Variants in NCK2 observed in about 807,000 individuals in gnomAD.
NCK2 encodes cytoplasmic protein NCK2.
A neutral mutation model predicts 33.9 loss-of-function variants in NCK2; 16 were observed. That is an observed-to-expected ratio of 0.47 (90% CI 0.32 to 0.72). The LOEUF is 0.72. Ranked by LOEUF, NCK2 falls within the 30% of genes least tolerant of loss-of-function variation. The pLI is 0.03. For synonymous variants in NCK2, 273 were observed against 239.9 expected (o/e 1.14, Z -1.27); for missense variants, 418 against 537.3 (o/e 0.78, Z 2.19).
At chr2:105,753,178 T>A (rs866620223) in intron 1 of NCK2, among the ~76,000 whole-genome samples, 6 of 152,282 alleles carry the variant, frequency 3.9e-5, no homozygotes, top group Middle Eastern at 3.4e-3. Flanking sequence ...TGATGGAAAA[T>A]CATTGATAGG....
At chr2:105,806,980 A>G (rs1189076463) in intron 1 of NCK2, among the ~76,000 whole-genome samples, 2 of 152,090 alleles carry the variant, frequency 1.3e-5, no homozygotes, top group African/African-American at 4.8e-5. Flanking sequence ...CCCTTTGTCT[A>G]ATTGCTGTAA....
chr2:105,801,959 T>A (rs1373731568), intron 1 of NCK2, among the ~76,000 whole-genome samples: 4 of 152,154 alleles, frequency 2.6e-5, no homozygotes, highest in African/African-American at 7.2e-5. Flanking sequence ...CATGGAGAAC[T>A]GTTTTGTAGA....
At chr2:105,873,304 G>A (rs1357565862) in intron 3 of NCK2, among the ~76,000 whole-genome samples, 1 of 152,150 alleles carries the variant, frequency 6.6e-6, no homozygotes, top group African/African-American at 2.4e-5. Flanking sequence ...GAATTCATGT[G>A]GGCCCACCCT....
chr2:105,848,007 G>A (rs1054816200), intron 2 of NCK2, among the ~76,000 whole-genome samples: 2 of 152,118 alleles, frequency 1.3e-5, no homozygotes, highest in African/African-American at 4.8e-5. Context: ...ACATCTTTCT[G>A]TTTAAGTTTT....
chr2:105,810,259 G>A (rs1675238199), intron 1 of NCK2, among the ~76,000 whole-genome samples: 1 of 152,130 alleles, frequency 6.6e-6, no homozygotes, highest in African/African-American at 2.4e-5. Flanking sequence ...AATAATAGTT[G>A]TGTCTCACCT....
intron 3 of NCK2, among the ~76,000 whole-genome samples, chr2:105,872,435 C>G (rs1678054319): frequency 6.6e-6 from 1 of 152,206 alleles, no homozygotes. Context: ...CTGAGCGCCT[C>G]CGTGTCCTGC....
chr2:105,832,265 C>T (rs1435015358), intron 2 of NCK2, among the ~76,000 whole-genome samples: 5 of 152,106 alleles, frequency 3.3e-5, no homozygotes, highest in African/African-American at 4.8e-5. Flanking sequence ...ACCAATTCTA[C>T]AGTATTTTGC....
Position 105,835,388 on chromosome 2 carries a change from C to CGTATATATATATATATAT in NCK2, c.-17+18775_-17+18776insGTATATATATATATATAT. On this transcript the variant is annotated intron_variant, in intron 2 of 4. Transcript: ENST00000233154. ...TTATATATATATACATATATATACA[C>CGTATATATATATATATAT]ATATATATATATATATACGTGTATA... Among the ~76,000 whole-genome samples the CGTATATATATATATATAT allele has an allele frequency of 3.8e-3, 199 of 52,026 alleles. 8 individuals carry two copies. Among genetic ancestry groups the CGTATATATATATATATAT allele is most frequent in the Non-Finnish European group, 5.3e-3 (149 of 28,178 alleles). The allele number at this position is 52,026 out of a possible 152,430, so 34.1% of individuals were successfully genotyped here. A position where few individuals can be genotyped will look rare whatever the true frequency, so the allele number is the denominator to read the frequency against.
At chr2:105,761,099 G>T (rs1689750748) in intron 1 of NCK2, among the ~76,000 whole-genome samples, 1 of 152,152 alleles carries the variant, frequency 6.6e-6, no homozygotes, top group Admixed American at 6.5e-5. Context: ...TCATAGATGG[G>T]GGCCAGAGTC....
chr2:105,879,113 G>C (rs937903150), intron 3 of NCK2, among the ~76,000 whole-genome samples: 1 of 152,204 alleles, frequency 6.6e-6, no homozygotes, highest in African/African-American at 2.4e-5. Context: ...TTCATGGCCT[G>C]ATGAATATTC....
At chr2:105,802,193 A>G (rs1231200311) in intron 1 of NCK2, among the ~76,000 whole-genome samples, 1 of 152,188 alleles carries the variant, frequency 6.6e-6, no homozygotes, top group East Asian at 1.9e-4. Context: ...ATGGACGGAA[A>G]CTGATGTGAT....
At chr2:105,748,196 T>G (rs1689351231) in intron 1 of NCK2, among the ~76,000 whole-genome samples, 1 of 152,174 alleles carries the variant, frequency 6.6e-6, no homozygotes, top group Non-Finnish European at 1.5e-5. Flanking sequence ...GCCTCTGTGT[T>G]CCCTCTCAAC....
Position 105,784,796 on chromosome 2 carries a change from C to G in NCK2, c.-200-31634C>G, listed in dbSNP as rs561694087. ...TCCAGGCCCGTGTTTCCCACACTTC[C>G]CATTTCAACATTCTTAGAATATGCA... On this transcript the variant is annotated intron_variant, in intron 1 of 4. Coordinates refer to ENST00000233154, the MANE Select transcript of NCK2 (RefSeq NM_003581.5). 1.2e-3 allele frequency among the ~76,000 whole-genome samples: 178 copies of G among 152,278 alleles called. 1 individual carries two copies. Among genetic ancestry groups the G allele is most frequent in the African/African-American group, 4.1e-3 (172 of 41,544 alleles).
chr2:105,869,269 C>A (rs1438382992), intron 3 of NCK2, among the ~76,000 whole-genome samples: 1 of 152,108 alleles, frequency 6.6e-6, no homozygotes, highest in African/African-American at 2.4e-5. Flanking sequence ...CTGCATGTGT[C>A]CCTAGCCATA....
Position 105,850,033 on chromosome 2 carries a change from C to T in NCK2, c.-16-5015C>T, listed in dbSNP as rs542142827. Among the ~76,000 whole-genome samples the T allele has an allele frequency of 2.0e-5, 3 of 152,278 alleles. No homozygotes were observed. The South Asian group carries it at 6.2e-4, about 32-fold the overall frequency. ...AAATGTTAAACCTTGCCCTCTAAAG[C>T]ACTTTGTATTCATGTCTCTCCTGAG... On this transcript the variant is annotated intron_variant, in intron 2 of 4. Transcript: ENST00000233154.
chr2:105,783,807 G>C (rs368158634), intron 1 of NCK2, among the ~76,000 whole-genome samples: 1 of 152,102 alleles, frequency 6.6e-6, no homozygotes, highest in South Asian at 2.1e-4. Context: ...CCACAGAGAG[G>C]GTTTTGCAGC....
intron 2 of NCK2, among the ~76,000 whole-genome samples, chr2:105,822,214 T>C (rs1250656750): frequency 1.3e-5 from 2 of 151,982 alleles, no homozygotes; most frequent in African/African-American, 4.8e-5. Flanking sequence ...AAGGAAGACT[T>C]TGGGAGGTTT....
Position 105,797,391 on chromosome 2 carries a change from G to A in NCK2, c.-200-19039G>A, listed in dbSNP as rs535943410. Among the ~76,000 whole-genome samples, 127 of 152,288 alleles carry A rather than the reference G, an allele frequency of 8.3e-4. 1 individual carries two copies. Among genetic ancestry groups the A allele is most frequent in the African/African-American group, 3.0e-3 (125 of 41,550 alleles). Reference sequence around the variant, plus strand: ...GACCGGAAGAGACTGCCAGCCATGCGGTTCCATATTGTGCAATGCAAGGGC... The same window carrying A: ...GACCGGAAGAGACTGCCAGCCATGCAGTTCCATATTGTGCAATGCAAGGGC... On this transcript the variant is annotated intron_variant, in intron 1 of 4. Transcript: ENST00000233154.
At chr2:105,832,329 A>T (rs1002879342) in intron 2 of NCK2, among the ~76,000 whole-genome samples, 8 of 152,226 alleles carry the variant, frequency 5.3e-5, no homozygotes, top group African/African-American at 1.9e-4. Context: ...TTCTTGCATA[A>T]TTGCTTTGGC....
Sources: allele counts gnomAD v4.1 joint callset (sites outside exome capture counted in the v4.1 genomes callset), GRCh38; gene constraint gnomAD v4.1.1; transcripts MANE v1.5; gene names NCBI Gene and HGNC (gene_info 2026-07-23, HGNC 2026-07-21).